The following OR51B5 variants were observed in gnomAD, a reference collection of about 807,000 sequenced individuals.
The protein encoded by OR51B5 is olfactory receptor 51B5.
For missense variants in OR51B5, 456 were observed against 374.6 expected, an observed-to-expected ratio of 1.22 and a Z score of -1.79; for synonymous variants, 186 against 144.8, an observed-to-expected ratio of 1.28 and a Z score of -2.04.
chr11:5,493,430 A>C (rs146950575), intron 1 of OR51B5, among the ~76,000 whole-genome samples: 41 of 152,330 alleles, frequency 2.7e-4, no homozygotes, highest in Admixed American at 7.2e-4. Context: ...TATTTTCCCC[A>C]AGAACTTATA....
chr11:5,489,522 C>T, intron 1 of OR51B5: 9 of 1,614,066 alleles, frequency 5.6e-6, no homozygotes, highest in Non-Finnish European at 7.6e-6. Context: ...ACCACGAAGT[C>T]CCCAAGCATG....
intron 1 of OR51B5, among the ~76,000 whole-genome samples, chr11:5,470,102 G>C (rs1851204877): frequency 6.6e-6 from 1 of 152,122 alleles, no homozygotes; most frequent in African/African-American, 2.4e-5. Flanking sequence ...TGTGCTGTAT[G>C]CTAGATTATT....
At chr11:5,434,516 C>T (rs575347983) in intron 1 of OR51B5, among the ~76,000 whole-genome samples, 33 of 152,282 alleles carry the variant, frequency 2.2e-4, no homozygotes, top group Non-Finnish European at 4.1e-4. Context: ...CTTGGCAGGA[C>T]TCTTTTGAAT....
At chr11:5,487,081 G>T (rs1177934035) in intron 1 of OR51B5, among the ~76,000 whole-genome samples, 2 of 152,114 alleles carry the variant, frequency 1.3e-5, no homozygotes, top group African/African-American at 4.8e-5. Flanking sequence ...GGACAGTAGG[G>T]TGAGGCAAAA....
intron 1 of OR51B5, among the ~76,000 whole-genome samples, chr11:5,452,012 A>G (rs1850860427): frequency 6.6e-6 from 1 of 152,214 alleles, no homozygotes; most frequent in Non-Finnish European, 1.5e-5. Flanking sequence ...GTAAATAAAT[A>G]CAAGCCATTA....
At chr11:5,402,537 T>A in intron 1 of OR51B5, 2 of 410,272 alleles carry the variant, frequency 4.9e-6, no homozygotes, top group Admixed American at 2.8e-5. Flanking sequence ...AATGATGTCA[T>A]CTCACTAGTT....
intron 1 of OR51B5, among the ~76,000 whole-genome samples, chr11:5,495,103 G>A (rs186334317): frequency 6.6e-6 from 1 of 152,214 alleles, no homozygotes; most frequent in Admixed American, 6.5e-5. Flanking sequence ...CTTTGTGGGA[G>A]CCCTGGAGTC....
At chr11:5,351,521 A>C (rs4910755) in intron 1 of OR51B5, 412,778 of 1,610,000 alleles carry the variant, frequency 0.26, 54,736 homozygotes, top group African/African-American at 0.31. Flanking sequence ...GGGCTCAATA[A>C]GTCTGCTTCC....
At chr11:5,489,196 T>A (rs1192496156) in intron 1 of OR51B5, 2 of 1,468,454 alleles carry the variant, frequency 1.4e-6, no homozygotes, top group Admixed American at 4.3e-5. Flanking sequence ...CCCCTTCATC[T>A]TCTTGCTGAG....
At chr11:5,419,233 A>G (rs1332113793) in intron 1 of OR51B5, among the ~76,000 whole-genome samples, 1 of 152,236 alleles carries the variant, frequency 6.6e-6, no homozygotes, top group East Asian at 1.9e-4. Flanking sequence ...CTTTACTCAT[A>G]GTGCCCAATT....
chr11:5,418,868 G>A, intron 1 of OR51B5, among the ~76,000 whole-genome samples: 1 of 77,360 alleles, frequency 1.3e-5, no homozygotes, highest in Admixed American at 1.8e-4. Context: ...CCCAGAACTT[G>A]AAGTATTATA....
intron 1 of OR51B5, among the ~76,000 whole-genome samples, chr11:5,461,464 G>A (rs1851051883): frequency 6.6e-6 from 1 of 152,146 alleles, no homozygotes. Context: ...TGGCAGACTG[G>A]GGCTCATTCA....
intron 1 of OR51B5, among the ~76,000 whole-genome samples, chr11:5,411,316 G>T (rs1850145950): frequency 1.3e-5 from 2 of 152,174 alleles, no homozygotes; most frequent in African/African-American, 4.8e-5. Flanking sequence ...AGAGCAACAT[G>T]TACATGTTTG....
At chr11:5,460,690 T>C (rs1032217068) in intron 1 of OR51B5, among the ~76,000 whole-genome samples, 4 of 152,232 alleles carry the variant, frequency 2.6e-5, no homozygotes, top group African/African-American at 9.6e-5. Flanking sequence ...TCCCTGGTTC[T>C]TTCTCTGCGT....
intron 1 of OR51B5, among the ~76,000 whole-genome samples, chr11:5,478,942 A>C (rs147749225): frequency 6.6e-6 from 1 of 151,002 alleles, no homozygotes; most frequent in African/African-American, 2.4e-5. Flanking sequence ...ACTCTGCAGG[A>C]TATTATCCGG....
At chr11:5,388,641 G>A (rs775406228) in intron 1 of OR51B5, among the ~76,000 whole-genome samples, 15 of 150,474 alleles carry the variant, frequency 1.0e-4, no homozygotes, top group South Asian at 2.1e-4. Flanking sequence ...GGATATACAC[G>A]GAGAGAAAAT....
chr11:5,505,310 T>C (rs1476620133), intron 1 of OR51B5: 26 of 1,301,912 alleles, frequency 2.0e-5, no homozygotes, highest in Non-Finnish European at 2.4e-5. Context: ...TGGGGTTCAA[T>C]GTATATCTTC....
At chr11:5,402,811 C>T (rs114782317) in intron 1 of OR51B5, 87 of 471,640 alleles carry the variant, frequency 1.8e-4, no homozygotes, top group South Asian at 8.7e-4. Flanking sequence ...TTGGCACTGG[C>T]CGAGGTTCGT....
At chr11:5,462,037 C>T (rs1851063100) in intron 1 of OR51B5, among the ~76,000 whole-genome samples, 1 of 152,220 alleles carries the variant, frequency 6.6e-6, no homozygotes, top group South Asian at 2.1e-4. Flanking sequence ...ATTTTTTAGG[C>T]TCGTTAGGCC....
Sources: gnomAD v4.1 joint callset for allele counts (sites outside exome capture counted in the v4.1 genomes callset) on GRCh38, gnomAD v4.1.1 for gene constraint, MANE v1.5 for transcripts, NCBI Gene and HGNC (gene_info 2026-07-23, HGNC 2026-07-21) for gene names.